Variants in CIMIP4 observed in about 807,000 individuals in gnomAD.
The protein encoded by CIMIP4 is protein EAN57.
the CIMIP4 span, among the ~76,000 whole-genome samples, chr22:36,995,837 A>C: frequency 6.6e-6 from 1 of 152,150 alleles, no homozygotes; most frequent in African/African-American, 2.4e-5. Context: ...CTTTTTCTTT[A>C]TAAATTACCC....
At chr22:36,991,148 T>C in the CIMIP4 span, 1 of 1,592,718 alleles carries the variant, frequency 6.3e-7, no homozygotes, top group South Asian at 1.1e-5. Flanking sequence ...AGCACTTTAT[T>C]TGAGTAGAAG....
chr22:36,994,293 C>T, the CIMIP4 span, among the ~76,000 whole-genome samples: 30,702 of 152,014 alleles, frequency 0.2, 3,452 homozygotes, highest in East Asian at 0.53. Context: ...ATGCAGAATC[C>T]CTTACCCAAG....
At chr22:36,996,701 G>C in the CIMIP4 span, among the ~76,000 whole-genome samples, 2 of 152,200 alleles carry the variant, frequency 1.3e-5, no homozygotes, top group Admixed American at 6.5e-5. Flanking sequence ...TTGTATGGGA[G>C]AGTAAAGGGC....
At chr22:37,001,866 C>T in the CIMIP4 span, 5 of 1,604,998 alleles carry the variant, frequency 3.1e-6, no homozygotes, top group African/African-American at 1.3e-5. Flanking sequence ...TGGTCCACCA[C>T]ATTGCTCCCA....
chr22:36,999,531 G>A, the CIMIP4 span, among the ~76,000 whole-genome samples: 1 of 41,042 alleles, frequency 2.4e-5, no homozygotes, highest in African/African-American at 1.5e-4. Flanking sequence ...GGGAGGGGAG[G>A]GGAGGGGAGG....
chr22:37,006,582 C>T, the CIMIP4 span, among the ~76,000 whole-genome samples: 1 of 152,172 alleles, frequency 6.6e-6, no homozygotes, highest in African/African-American at 2.4e-5. Context: ...GAGCCTCAGC[C>T]ACACCTGGAG....
At chr22:36,999,925 G>A in the CIMIP4 span, 8 of 1,613,964 alleles carry the variant, frequency 5.0e-6, no homozygotes, top group Non-Finnish European at 6.8e-6. Flanking sequence ...TCTGGGTCCT[G>A]CTGGGCCATG....
At chr22:36,994,515 A>G in the CIMIP4 span, among the ~76,000 whole-genome samples, 1 of 151,928 alleles carries the variant, frequency 6.6e-6, no homozygotes. Context: ...TAGTAGAGAC[A>G]TGCGCCATCA....
chr22:36,998,690 T>C, the CIMIP4 span, among the ~76,000 whole-genome samples: 30,725 of 151,984 alleles, frequency 0.2, 3,455 homozygotes, highest in East Asian at 0.53. Context: ...TGATCTGAAA[T>C]CTGCCCGTGA....
the CIMIP4 span, chr22:37,004,084 A>C: frequency 6.8e-7 from 1 of 1,470,728 alleles, no homozygotes; most frequent in Non-Finnish European, 9.2e-7. Context: ...TCTGTGAACA[A>C]GGATGAGCTG....
the CIMIP4 span, among the ~76,000 whole-genome samples, chr22:36,992,768 A>C: frequency 6.6e-6 from 1 of 152,174 alleles, no homozygotes; most frequent in African/African-American, 2.4e-5. Flanking sequence ...AAAATGGTAA[A>C]CTGGAAGATA....
chr22:37,006,449 C>A, the CIMIP4 span, among the ~76,000 whole-genome samples: 2 of 152,154 alleles, frequency 1.3e-5, no homozygotes, highest in South Asian at 4.1e-4. Context: ...GTCACTAGTT[C>A]TTATCCTATG....
the CIMIP4 span, among the ~76,000 whole-genome samples, chr22:36,991,813 C>A: frequency 6.6e-6 from 1 of 151,782 alleles, no homozygotes; most frequent in Non-Finnish European, 1.5e-5. Flanking sequence ...GCTTCAGTGT[C>A]TTCAACTATA....
chr22:37,003,949 TG>T, the CIMIP4 span: 4 of 1,548,568 alleles, frequency 2.6e-6, no homozygotes, highest in Non-Finnish European at 3.5e-6. Context: ...AGCACATCCC[TG>T]GTCTGCCTGT....
the CIMIP4 span, chr22:37,007,596 C>T: frequency 1.3e-5 from 2 of 152,226 alleles, no homozygotes; most frequent in South Asian, 2.1e-4. Context: ...TCCCAAGAGA[C>T]TTTGGTCAAA....
At chr22:36,992,247 T>C in the CIMIP4 span, among the ~76,000 whole-genome samples, 1 of 152,078 alleles carries the variant, frequency 6.6e-6, no homozygotes, top group Non-Finnish European at 1.5e-5. Context: ...CTCAGGAGGC[T>C]GAGGTAGGAG....
chr22:36,993,113 T>C, the CIMIP4 span, among the ~76,000 whole-genome samples: 1 of 151,104 alleles, frequency 6.6e-6, no homozygotes, highest in Non-Finnish European at 1.5e-5. Flanking sequence ...CCAGGTTCAA[T>C]CTACTCTCCT....
At chr22:37,003,935 A>G in the CIMIP4 span, 2 of 1,541,322 alleles carry the variant, frequency 1.3e-6, no homozygotes, top group Non-Finnish European at 1.8e-6. Context: ...CTGGATGTGC[A>G]TTCAGCACAT....
At chr22:36,992,786 A>T in the CIMIP4 span, among the ~76,000 whole-genome samples, 1 of 152,152 alleles carries the variant, frequency 6.6e-6, no homozygotes, top group South Asian at 2.1e-4. Flanking sequence ...ATATACCTAA[A>T]GAAATTAATA....
Sources: allele counts gnomAD v4.1 joint callset (sites outside exome capture counted in the v4.1 genomes callset), GRCh38; gene constraint gnomAD v4.1.1; transcripts MANE v1.5; gene names NCBI Gene and HGNC (gene_info 2026-07-23, HGNC 2026-07-21).